Variants in LAMA4 observed in about 807,000 individuals in gnomAD.
LAMA4 encodes the protein laminin subunit alpha-4.
LAMA4 carries 127 observed loss-of-function variants against 207.1 expected under a neutral mutation model. The observed-to-expected ratio is 0.61, with a 90% CI of 0.53 to 0.71. The LOEUF (loss-of-function observed/expected upper bound fraction) is 0.71, where lower values mean the gene tolerates loss of function less well. Among genes scored for constraint, LAMA4 ranks in the 30% least tolerant of loss-of-function variants. LAMA4 has a pLI of 0.00. For synonymous variants in LAMA4, 761 were observed against 816.0 expected, an observed-to-expected ratio of 0.93 and a Z score of 1.15; for missense variants, 2,093 against 2,246.5, an observed-to-expected ratio of 0.93 and a Z score of 1.38.
Position 112,139,170 on chromosome 6 carries a change from C to T in LAMA4, c.3232G>A (p.Glu1078Lys). The change falls in exon 24 of 39, where the codon GAA (glutamate) becomes AAA (lysine). Residue 1078 changes from glutamate (E) to lysine (K), a missense_variant. This residue lies in a region of LAMA4 where 1,704 missense variants were observed against 1,788.4 expected (regional missense o/e 0.95). Coordinates refer to ENST00000230538, the MANE Select transcript of LAMA4 (RefSeq NM_001105206.3). ...KFGQVTRFDI[E>K]VRTPADNGLI... Reference sequence around the variant, plus strand: ...CCGTTGTCAGCTGGTGTTCGAACTTCTATGTCAAAGCGAGTCACCTGACCA... The same window carrying T: ...CCGTTGTCAGCTGGTGTTCGAACTTTTATGTCAAAGCGAGTCACCTGACCA... 1 of 1,614,172 alleles carries T rather than the reference C, an allele frequency of 6.2e-7. No homozygotes were observed.
At chr6:112,125,862 A>G (rs1232710958) in intron 31 of LAMA4, among the ~76,000 whole-genome samples, 4 of 152,218 alleles carry the variant, frequency 2.6e-5, no homozygotes, top group Non-Finnish European at 4.4e-5. Flanking sequence ...GTGAAAATAA[A>G]TTATTACAAT....
chr6:112,137,382 G>T (rs891666523), intron 24 of LAMA4, among the ~76,000 whole-genome samples: 6 of 152,088 alleles, frequency 3.9e-5, no homozygotes, highest in Non-Finnish European at 8.8e-5. Context: ...CTGAAATAGA[G>T]AAGAAAATAT....
chr6:112,160,093 C>A (rs536863989), intron 13 of LAMA4, among the ~76,000 whole-genome samples: 1 of 152,082 alleles, frequency 6.6e-6, no homozygotes, highest in East Asian at 1.9e-4. Context: ...AATAAGGCAA[C>A]CTCCTTGGTC....
chr6:112,149,343 G>A (rs1780234734), intron 17 of LAMA4, among the ~76,000 whole-genome samples: 1 of 151,374 alleles, frequency 6.6e-6, no homozygotes, highest in African/African-American at 2.4e-5. Flanking sequence ...ATGACATAAA[G>A]TATTAATATG....
chr6:112,215,168 T>C (rs1322074225), intron 3 of LAMA4, among the ~76,000 whole-genome samples: 1 of 152,208 alleles, frequency 6.6e-6, no homozygotes, highest in Non-Finnish European at 1.5e-5. Context: ...GAGTAGACTT[T>C]GGCAGCTGCA....
intron 12 of LAMA4, among the ~76,000 whole-genome samples, chr6:112,168,250 G>A (rs1781506224): frequency 6.6e-6 from 1 of 150,698 alleles, no homozygotes; most frequent in Non-Finnish European, 1.5e-5. Flanking sequence ...AAGAATATAT[G>A]CTTAGTGTGA....
In LAMA4 at chr6:112,107,989, T is replaced by C. The variant is rs1777518568; in HGVS notation, c.*1448A>G. Among the ~76,000 whole-genome samples, 2 of 152,156 alleles carry C rather than the reference T, an allele frequency of 1.3e-5. No individual in the cohort carries two copies. Among genetic ancestry groups the C allele is most frequent in the Admixed American group, 1.3e-4 (2 of 15,276 alleles). On this transcript the variant is annotated 3_prime_UTR_variant, in exon 39 of 39. Transcript: ENST00000230538. ...GGTGGCTGGCACTTAGTAAGTCCTC[T>C]ATGAACAGACATTAGCTATGTTTAT... is the stretch of plus-strand genomic sequence containing the variant.
chr6:112,218,639 C>G (rs897678331), intron 2 of LAMA4: 8 of 152,264 alleles, frequency 5.3e-5, no homozygotes, highest in Non-Finnish European at 8.8e-5. Flanking sequence ...AAGATGAAAT[C>G]TTTGTGATGT....
In LAMA4 at chr6:112,109,192, G is replaced by A. The variant is rs587704634; in HGVS notation, c.*245C>T. 9.4e-6 allele frequency: 5 copies of A among 530,028 alleles called. No individual in the cohort carries two copies. The highest frequency in any genetic ancestry group is 3.8e-5 in the African/African-American group (2 of 52,504). The allele number at this position is 530,028 out of a possible 1,614,324, so 32.8% of individuals were successfully genotyped here. On this transcript the variant is annotated 3_prime_UTR_variant, in exon 39 of 39. Coordinates refer to ENST00000230538, the MANE Select transcript of LAMA4 (RefSeq NM_001105206.3). ...CAGTAATTTCACCAGTAGGAATTGC[G>A]TGTGCTCTCAATACAAGTAAGTTTG...
intron 2 of LAMA4, among the ~76,000 whole-genome samples, chr6:112,222,673 G>A (rs1784988100): frequency 6.6e-6 from 1 of 152,104 alleles, no homozygotes; most frequent in Non-Finnish European, 1.5e-5. Context: ...GGGCTTCATG[G>A]GTGGAAACCA....
Position 112,122,736 on chromosome 6 carries a change from C to T in LAMA4, c.4288-535G>A, listed in dbSNP as rs1251902375. ...CAGGATATAAAACAATTTTTAAACA[C>T]ATTGTGCTCTTAAAATTGCATGGCC... On this transcript the variant is annotated intron_variant, in intron 31 of 38. Coordinates refer to ENST00000230538, the MANE Select transcript of LAMA4 (RefSeq NM_001105206.3). 2.0e-5 allele frequency among the ~76,000 whole-genome samples: 3 copies of T among 152,312 alleles called. No individual in the cohort carries two copies. In the East Asian group the frequency reaches 5.8e-4, roughly 29 times the overall value.
intron 4 of LAMA4, 112 bp downstream of exon 4, chr6:112,206,909 T>G (rs1784087979): frequency 1.6e-6 from 2 of 1,271,018 alleles, no homozygotes; most frequent in Non-Finnish European, 2.3e-6. Context: ...CAATATGAGG[T>G]TTTGCCTGTG....
At chr6:112,112,049 T>A (rs1777730681) in intron 38 of LAMA4, among the ~76,000 whole-genome samples, 1 of 152,174 alleles carries the variant, frequency 6.6e-6, no homozygotes, top group African/African-American at 2.4e-5. Flanking sequence ...TAATAGACAA[T>A]CCATGCTGTG....
intron 2 of LAMA4, among the ~76,000 whole-genome samples, chr6:112,239,340 A>G (rs1432697269): frequency 2.6e-5 from 4 of 151,786 alleles, no homozygotes; most frequent in Non-Finnish European, 4.4e-5. Flanking sequence ...AAAAAAAAAA[A>G]AGAGACCTGA....
chr6:112,185,984 T>C (rs1554346541), intron 8 of LAMA4, among the ~76,000 whole-genome samples: 2 of 152,128 alleles, frequency 1.3e-5, no homozygotes, highest in Non-Finnish European at 2.9e-5. Flanking sequence ...CCCTGGGGGG[T>C]AGTGTCTTCA....
At chr6:112,238,916 G>A (rs924539223) in intron 2 of LAMA4, among the ~76,000 whole-genome samples, 13 of 152,106 alleles carry the variant, frequency 8.5e-5, no homozygotes, top group African/African-American at 1.9e-4. Flanking sequence ...ATTTCACTTC[G>A]TAGGTGTGAT....
At chr6:112,144,418 AATAAC>A (rs1779891610) in intron 19 of LAMA4, among the ~76,000 whole-genome samples, 1 of 152,254 alleles carries the variant, frequency 6.6e-6, no homozygotes, top group Non-Finnish European at 1.5e-5. Context: ...CAGCTGTTAA[AATAAC>A]ATAAAATATA....
intron 32 of LAMA4, among the ~76,000 whole-genome samples, 187 bp from the exon 33 acceptor site, chr6:112,120,659 A>G (rs1404786916): frequency 6.6e-6 from 1 of 152,216 alleles, no homozygotes; most frequent in Non-Finnish European, 1.5e-5. Flanking sequence ...AAAAATGTAA[A>G]TTCTTCTCTA....
Position 112,155,554 on chromosome 6 carries a change from G to A in LAMA4, c.1959+11C>T. On this transcript the variant is annotated intron_variant, in intron 15 of 38. Transcript: ENST00000230538. ...AAGGCAAGGTATAAAGAACTTTCAG[G>A]GAATACTCACATCATAAATTCGGTC... 6.2e-7 allele frequency: 1 copy of A among 1,613,914 alleles called. No homozygotes were observed. The highest frequency in any genetic ancestry group is 8.5e-7 in the Non-Finnish European group (1 of 1,179,876).
Sources: gnomAD v4.1 joint callset for allele counts (sites outside exome capture counted in the v4.1 genomes callset) on GRCh38, gnomAD v4.1.1 for gene constraint, gnomAD v4.1.1 regional missense constraint, MANE v1.5 for transcripts, NCBI Gene and HGNC (gene_info 2026-07-23, HGNC 2026-07-21) for gene names.